FHOD3: variants seen among roughly 807,000 people sequenced by gnomAD.
FHOD3 encodes the protein formin homology 2 domain containing 3, also known as FH1/FH2 domain-containing protein 3.
FHOD3 carries 90 observed loss-of-function variants against 173.0 expected under a neutral mutation model. The observed-to-expected ratio is 0.52, with a 90% CI of 0.44 to 0.62. FHOD3 has a LOEUF of 0.62. Ranked by LOEUF, FHOD3 falls within the 20% of genes least tolerant of loss-of-function variation. The pLI is 0.00. For synonymous variants in FHOD3, 828 were observed against 823.0 expected (o/e 1.01, Z -0.10); for missense variants, 1,945 against 2,034.7 (o/e 0.96, Z 0.85).
intron 16 of FHOD3, among the ~76,000 whole-genome samples, chr18:36,690,345 T>C (rs2038881956): frequency 6.6e-6 from 1 of 152,132 alleles, no homozygotes; most frequent in South Asian, 2.1e-4. Flanking sequence ...GGGCTGTGGT[T>C]TGTGGATAGA....
intron 10 of FHOD3, among the ~76,000 whole-genome samples, chr18:36,636,809 TG>T (rs1484753970): frequency 6.6e-6 from 1 of 151,662 alleles, no homozygotes; most frequent in African/African-American, 2.4e-5. Context: ...GCAGGGATGG[TG>T]GGGGTGGGCA....
chr18:36,323,024 A>T (rs1784063529), intron 1 of FHOD3, among the ~76,000 whole-genome samples: 1 of 152,148 alleles, frequency 6.6e-6, no homozygotes. Flanking sequence ...TGAATCCCAC[A>T]GACACGCTTG....
chr18:36,612,868 ACTT>A (rs1281084092), intron 9 of FHOD3, among the ~76,000 whole-genome samples: 8 of 152,146 alleles, frequency 5.3e-5, no homozygotes, highest in African/African-American at 1.9e-4. Context: ...TTTTTACATC[ACTT>A]CTTGGGGTGT....
intron 3 of FHOD3, among the ~76,000 whole-genome samples, chr18:36,447,741 G>C (rs554462367): frequency 6.6e-6 from 1 of 152,290 alleles, no homozygotes; most frequent in African/African-American, 2.4e-5. Flanking sequence ...ACTGCAACAG[G>C]TTAAGTTTAA....
intron 20 of FHOD3, among the ~76,000 whole-genome samples, chr18:36,731,375 A>T (rs1194937714): frequency 1.3e-5 from 2 of 152,152 alleles, no homozygotes; most frequent in Non-Finnish European, 2.9e-5. Flanking sequence ...GCCTGGGTTC[A>T]TGTTCTTCCA....
chr18:36,750,500 T>C (rs764808924), intron 24 of FHOD3, among the ~76,000 whole-genome samples: 16 of 152,234 alleles, frequency 1.1e-4, no homozygotes, highest in Admixed American at 3.9e-4. Context: ...TTAGATCCCA[T>C]TTGTCAATTT....
intron 7 of FHOD3, 60 bp from the exon 8 acceptor site, chr18:36,602,614 T>G: frequency 8.2e-7 from 1 of 1,217,372 alleles, no homozygotes; most frequent in Non-Finnish European, 1.2e-6. Context: ...AACTGTGATG[T>G]GAGTTAGATA....
chr18:36,578,248 A>G (rs2148032491), intron 6 of FHOD3, among the ~76,000 whole-genome samples: 1 of 152,290 alleles, frequency 6.6e-6, no homozygotes, highest in Middle Eastern at 3.4e-3. Context: ...GGAGGCCTCA[A>G]AATCATGGCG....
At chr18:36,407,055 G>C (rs993396445) in intron 3 of FHOD3, among the ~76,000 whole-genome samples, 2 of 152,198 alleles carry the variant, frequency 1.3e-5, no homozygotes, top group African/African-American at 2.4e-5. Context: ...TGGACCAACT[G>C]ATCAGTGGTA....
chr18:36,366,635 T>G (rs181756634), intron 2 of FHOD3, among the ~76,000 whole-genome samples: 2 of 152,326 alleles, frequency 1.3e-5, no homozygotes, highest in African/African-American at 2.4e-5. Context: ...ACCCGGAGAT[T>G]AATGTAGTGG....
chr18:36,687,033 T>C (rs2038665560), intron 15 of FHOD3, 95 bp from the exon 16 acceptor site: 1 of 897,856 alleles, frequency 1.1e-6, no homozygotes, highest in Admixed American at 2.7e-5. Context: ...TGCCAGTCTT[T>C]CATGATATAC....
intron 5 of FHOD3, among the ~76,000 whole-genome samples, chr18:36,545,006 T>C (rs1225671349): frequency 2.0e-5 from 3 of 152,230 alleles, no homozygotes; most frequent in Non-Finnish European, 4.4e-5. Flanking sequence ...TACCTGGTGT[T>C]GGCCATGAAG....
chr18:36,315,509 C>T (rs754081919), intron 1 of FHOD3, among the ~76,000 whole-genome samples: 8 of 151,984 alleles, frequency 5.3e-5, no homozygotes, highest in Non-Finnish European at 7.4e-5. Flanking sequence ...TTGGATGAAA[C>T]TGGGGGGCTC....
intron 3 of FHOD3, among the ~76,000 whole-genome samples, chr18:36,497,253 A>G (rs1414687329): frequency 6.6e-6 from 1 of 152,228 alleles, no homozygotes; most frequent in Non-Finnish European, 1.5e-5. Context: ...ATTAAATGAC[A>G]TTTGGCAAAA....
At chr18:36,449,005 C>T (rs114135901) in intron 3 of FHOD3, among the ~76,000 whole-genome samples, 2 of 151,982 alleles carry the variant, frequency 1.3e-5, no homozygotes, top group African/African-American at 4.8e-5. Flanking sequence ...TCCCCTTTAT[C>T]TGGGGAGTGA....
At chr18:36,466,623 T>G (rs1041348283) in intron 3 of FHOD3, among the ~76,000 whole-genome samples, 1 of 152,194 alleles carries the variant, frequency 6.6e-6, no homozygotes, top group Non-Finnish European at 1.5e-5. Flanking sequence ...AAACTTTGTT[T>G]AAAAACTTGG....
At chr18:36,361,055 C>A (rs567648273) in intron 2 of FHOD3, among the ~76,000 whole-genome samples, 2 of 152,068 alleles carry the variant, frequency 1.3e-5, no homozygotes, top group African/African-American at 4.8e-5. Context: ...GAAAGGTAGA[C>A]GTTCCCTGAT....
chr18:36,621,507 A>G (rs145919665), intron 9 of FHOD3, among the ~76,000 whole-genome samples: 2 of 152,176 alleles, frequency 1.3e-5, no homozygotes, highest in South Asian at 2.1e-4. Context: ...TAGTTTATCT[A>G]CTTGGCCTGG....
intron 5 of FHOD3, among the ~76,000 whole-genome samples, chr18:36,562,177 C>T (rs1189786418): frequency 5.9e-5 from 9 of 152,174 alleles, no homozygotes; most frequent in Non-Finnish European, 8.8e-5. Flanking sequence ...CCATCACTCC[C>T]GGCTAATTTT....
Sources: gnomAD v4.1 joint callset for allele counts (sites outside exome capture counted in the v4.1 genomes callset) on GRCh38, gnomAD v4.1.1 for gene constraint, MANE v1.5 for transcripts, NCBI Gene and HGNC (gene_info 2026-07-23, HGNC 2026-07-21) for gene names.